SPG11: variants seen among roughly 807,000 people sequenced by gnomAD.
SPG11 encodes SPG11 vesicle trafficking associated, spatacsin, also known as spatacsin.
Under a neutral mutation model 274.0 loss-of-function variants are expected in SPG11, and 222 were observed. The ratio of observed to expected loss-of-function variants is 0.81; its 90% CI spans 0.73 to 0.91. SPG11 has a LOEUF of 0.91. SPG11 is among the 40% of genes least tolerant of loss of function. SPG11 has a pLI of 0.00. For synonymous variants in SPG11, 1,144 were observed against 1,039.7 expected (o/e 1.10, Z -1.93); for missense variants, 3,114 against 2,872.7 (o/e 1.08, Z -1.92).
At chr15:44,600,725 G>T in intron 20 of SPG11, 93 bp from the exon 21 acceptor site, 1 of 1,378,978 alleles carries the variant, frequency 7.3e-7, no homozygotes, top group Non-Finnish European at 1.0e-6. Context: ...AAAACTGGTT[G>T]CTGTAATTAT....
At chr15:44,573,419 C>T in intron 32 of SPG11, 128 bp downstream of exon 32, 1 of 962,346 alleles carries the variant, frequency 1.0e-6, no homozygotes, top group East Asian at 2.6e-5. Flanking sequence ...AAACAAAATA[C>T]ATTACTGCAA....
chr15:44,576,963 A>C (rs1320044690), intron 30 of SPG11, among the ~76,000 whole-genome samples: 2 of 151,710 alleles, frequency 1.3e-5, no homozygotes, highest in South Asian at 2.1e-4. Flanking sequence ...TGTAGCTGGG[A>C]TTACGGGTGT....
chr15:44,623,788 G>T (rs117687754), intron 11 of SPG11, among the ~76,000 whole-genome samples: 6,889 of 151,874 alleles, frequency 0.045, 401 homozygotes, highest in African/African-American at 0.12. Flanking sequence ...ACAGGGTCTC[G>T]CTCTGTCACC....
rs1216723582 is a variant in SPG11, at chr15:44,606,082, G to T, written c.3463C>A (p.Pro1155Thr). Reference protein sequence around the residue: ...TIYHLIQSLSPFDPSRLFGWQ... With the variant: ...TIYHLIQSLSTFDPSRLFGWQ... ...CCAAACAATCTGCTAGGATCAAAGG[G>T]TGATAATGACTGAAAAAGGGGAAAA... The change falls in exon 20 of 40, where the codon CCC becomes ACC. Residue 1155 changes from proline (P) to threonine (T), a missense_variant. Coordinates refer to ENST00000261866, the MANE Select transcript of SPG11 (RefSeq NM_025137.4). 13 of 1,613,464 alleles carry T rather than the reference G, an allele frequency of 8.1e-6. No homozygotes were observed. Among genetic ancestry groups the T allele is most frequent in the Non-Finnish European group, 1.1e-5 (13 of 1,179,704 alleles).
intron 30 of SPG11, among the ~76,000 whole-genome samples, chr15:44,576,398 C>T (rs2082539139): frequency 6.6e-6 from 1 of 151,434 alleles, no homozygotes; most frequent in Non-Finnish European, 1.5e-5. Context: ...CCTGTAACCC[C>T]AGCACTTTGG....
intron 7 of SPG11, among the ~76,000 whole-genome samples, chr15:44,634,575 C>A (rs1478341339): frequency 5.3e-5 from 8 of 151,988 alleles, no homozygotes; most frequent in African/African-American, 1.7e-4. Context: ...TGAGCCACTG[C>A]GCCCAGCCAG....
rs1209942233 is a variant in SPG11 at position 44,660,478 on chromosome 15, G to A, written c.396C>T (p.Ser132=). Residue 132 remains serine (S), a synonymous_variant, in exon 2 of 40, where the codon AGC becomes AGT. Transcript: ENST00000261866. ...DGRCDATILY[S]CSREALQKLI... Reference sequence around the variant, plus strand: ...GCTTTTGCAATGCCTCCCTACTACAGCTATACAAAATGGTTGCATCACATC... The same window carrying A: ...GCTTTTGCAATGCCTCCCTACTACAACTATACAAAATGGTTGCATCACATC... The A allele has an allele frequency of 1.9e-6, 3 of 1,614,004 alleles. No homozygotes were observed. The highest frequency in any genetic ancestry group is 4.5e-5 in the East Asian group (2 of 44,876).
intron 20 of SPG11, among the ~76,000 whole-genome samples, chr15:44,603,557 G>A (rs1381356412): frequency 6.6e-6 from 1 of 152,184 alleles, no homozygotes; most frequent in East Asian, 1.9e-4. Context: ...TCAGTTTAAA[G>A]TTCCTCTAAA....
intron 11 of SPG11, among the ~76,000 whole-genome samples, chr15:44,625,134 CAAAA>C (rs78780878): frequency 9.9e-5 from 8 of 81,002 alleles, no homozygotes; most frequent in African/African-American, 4.6e-5. Flanking sequence ...AACTCTGTCT[CAAAA>C]AAAAAAAAAA....
At chr15:44,596,417 A>G in intron 24 of SPG11, 62 bp from the exon 25 acceptor site, 2 of 1,576,038 alleles carry the variant, frequency 1.3e-6, no homozygotes, top group Non-Finnish European at 1.7e-6. Context: ...GGAGCTGAAA[A>G]TGTTAGAGAA....
chr15:44,577,346 T>A (rs1289417958), intron 30 of SPG11, among the ~76,000 whole-genome samples: 11 of 150,460 alleles, frequency 7.3e-5, no homozygotes, highest in African/African-American at 2.7e-4. Flanking sequence ...CTACAAAAAA[T>A]TTAAAAATTA....
intron 15 of SPG11, among the ~76,000 whole-genome samples, chr15:44,618,817 C>T (rs1470656678): frequency 7.6e-6 from 1 of 131,012 alleles, no homozygotes; most frequent in Non-Finnish European, 1.7e-5. Flanking sequence ...GACTCCATCT[C>T]AAAAAAAAAA....
intron 30 of SPG11, among the ~76,000 whole-genome samples, chr15:44,583,140 C>G (rs1013254745): frequency 5.9e-5 from 9 of 152,160 alleles, no homozygotes; most frequent in African/African-American, 1.9e-4. Flanking sequence ...CAAGAAATCT[C>G]CTAGAATAAG....
chr15:44,610,713 G>C (rs2083438372), intron 18 of SPG11, 127 bp downstream of exon 18: 1 of 1,012,398 alleles, frequency 9.9e-7, no homozygotes, highest in South Asian at 1.4e-5. Context: ...CTTATCCTCT[G>C]CTCTTTAATC....
chr15:44,586,961 A>C (rs920127573), intron 28 of SPG11, among the ~76,000 whole-genome samples: 1 of 152,208 alleles, frequency 6.6e-6, no homozygotes, highest in African/African-American at 2.4e-5. Context: ...CATCACTTGC[A>C]CCTCTAAAAT....
At chr15:44,598,436 T>G in intron 22 of SPG11, 63 bp from the exon 23 acceptor site, 1 of 1,495,744 alleles carries the variant, frequency 6.7e-7, no homozygotes. Flanking sequence ...AGCATTTCTG[T>G]TTGAATAGTG....
intron 20 of SPG11, 39 bp from the exon 21 acceptor site, chr15:44,600,671 C>G: frequency 6.3e-7 from 1 of 1,592,414 alleles, no homozygotes; most frequent in East Asian, 2.2e-5. Context: ...ATCTGTATAT[C>G]ACCATAATTA....
intron 10 of SPG11, among the ~76,000 whole-genome samples, chr15:44,627,168 T>A (rs1440220344): frequency 6.6e-6 from 1 of 152,046 alleles, no homozygotes. Flanking sequence ...CAGAAAAATA[T>A]CCAGGCAGCA....
chr15:44,606,094 GA>G lies in SPG11; in HGVS notation c.3454-4del. ...CTAGGATCAAAGGGTGATAATGACTGAAAAAGGGGAAAAGTTAAACAGAATT... is the reference window on the plus strand; with the variant it reads ...CTAGGATCAAAGGGTGATAATGACTGAAAAGGGGAAAAGTTAAACAGAATT... On this transcript the variant is annotated splice_polypyrimidine_tract_variant and splice_region_variant and intron_variant, in intron 19 of 39. Transcript: ENST00000261866. 1 of 1,613,142 alleles carries G rather than the reference GA, an allele frequency of 6.2e-7. No individual in the cohort carries two copies. The highest frequency in any genetic ancestry group is 8.5e-7 in the Non-Finnish European group (1 of 1,179,438).
Sources: allele counts gnomAD v4.1 joint callset (sites outside exome capture counted in the v4.1 genomes callset), GRCh38; gene constraint gnomAD v4.1.1; transcripts MANE v1.5; gene names NCBI Gene and HGNC (gene_info 2026-07-23, HGNC 2026-07-21).